Variants in LDB2 observed in about 807,000 individuals in gnomAD.
The protein encoded by LDB2 is LIM domain binding 2.
A neutral mutation model predicts 44.3 loss-of-function variants in LDB2; 12 were observed. The ratio of observed to expected loss-of-function variants is 0.27; its 90% CI spans 0.17 to 0.44. The LOEUF is 0.44. Among genes scored for constraint, LDB2 ranks in the 20% least tolerant of loss-of-function variants. The pLI is 1.00. For missense variants in LDB2, 344 were observed against 473.5 expected, an observed-to-expected ratio of 0.73 and a Z score of 2.54; for synonymous variants, 164 against 174.8, an observed-to-expected ratio of 0.94 and a Z score of 0.49.
At chr4:16,560,804 T>C (rs1195276395) in intron 5 of LDB2, among the ~76,000 whole-genome samples, 2 of 152,186 alleles carry the variant, frequency 1.3e-5, no homozygotes, top group African/African-American at 2.4e-5. Context: ...CGAACATTAA[T>C]GCAAAAAGCC....
intron 1 of LDB2, among the ~76,000 whole-genome samples, chr4:16,858,841 G>T (rs569539179): frequency 6.6e-6 from 1 of 152,022 alleles, no homozygotes; most frequent in East Asian, 1.9e-4. Flanking sequence ...AATTCTTTCC[G>T]TATCGTTGCC....
chr4:16,590,015 G>A (rs1170902697), intron 3 of LDB2, among the ~76,000 whole-genome samples: 1 of 152,142 alleles, frequency 6.6e-6, no homozygotes, highest in African/African-American at 2.4e-5. Flanking sequence ...CATGTAGTAG[G>A]ATAGCAGTAA....
intron 5 of LDB2, among the ~76,000 whole-genome samples, chr4:16,582,000 GGGAAGGAAGGAAGGAAGGAAGGAA>G (rs35585551): frequency 1.9e-5 from 2 of 103,818 alleles, no homozygotes; most frequent in Admixed American, 1.0e-4. Context: ...AGGGAAGGAA[GGGAAGGAAGGAAGGAAGGAAGGAA>G]GGAAGGAAGG....
chr4:16,583,111 G>A (rs74670102), intron 5 of LDB2, among the ~76,000 whole-genome samples: 6 of 152,066 alleles, frequency 3.9e-5, no homozygotes, highest in Non-Finnish European at 8.8e-5. Flanking sequence ...AGCTGCCTTC[G>A]GTCAGCTCTG....
intron 2 of LDB2, among the ~76,000 whole-genome samples, chr4:16,661,061 A>T (rs535735704): frequency 1.3e-5 from 2 of 152,162 alleles, no homozygotes; most frequent in African/African-American, 4.8e-5. Flanking sequence ...TGTTCTTTCC[A>T]ATCGTTTTTC....
At chr4:16,586,513 C>CAAA (rs1362698789) in intron 4 of LDB2, among the ~76,000 whole-genome samples, 2 of 143,082 alleles carry the variant, frequency 1.4e-5, no homozygotes, top group Admixed American at 6.8e-5. Flanking sequence ...CACACACACA[C>CAAA]ACACACACAC....
chr4:16,816,154 G>T (rs1042758396), intron 1 of LDB2, among the ~76,000 whole-genome samples: 1 of 152,100 alleles, frequency 6.6e-6, no homozygotes, highest in Non-Finnish European at 1.5e-5. Flanking sequence ...GTTGCAGTGA[G>T]CGATCACGCC....
At chr4:16,530,207 T>C (rs1729669516) in intron 5 of LDB2, among the ~76,000 whole-genome samples, 2 of 152,242 alleles carry the variant, frequency 1.3e-5, no homozygotes, top group South Asian at 4.1e-4. Context: ...TAAGAGGGTC[T>C]GCCTGACCTC....
At chr4:16,744,128 TAATA>T (rs1763890356) in intron 2 of LDB2, among the ~76,000 whole-genome samples, 4 of 151,948 alleles carry the variant, frequency 2.6e-5, no homozygotes, top group Admixed American at 6.6e-5. Context: ...AGCAAGTTAC[TAATA>T]AATAGACTCA....
intron 5 of LDB2, among the ~76,000 whole-genome samples, chr4:16,575,860 C>T (rs928862615): frequency 2.6e-5 from 4 of 152,196 alleles, no homozygotes; most frequent in Non-Finnish European, 5.9e-5. Context: ...CCTCAGTCTC[C>T]CAAGTAGCTG....
At chr4:16,602,605 T>G (rs1722875170) in intron 2 of LDB2, among the ~76,000 whole-genome samples, 1 of 152,178 alleles carries the variant, frequency 6.6e-6, no homozygotes, top group Non-Finnish European at 1.5e-5. Context: ...TAATTTACTC[T>G]GTTTTTCCTA....
intron 5 of LDB2, among the ~76,000 whole-genome samples, chr4:16,559,910 A>T (rs567134920): frequency 1.3e-5 from 2 of 151,852 alleles, no homozygotes; most frequent in East Asian, 1.9e-4. Flanking sequence ...GGATTAAGAA[A>T]CTCACTCAAA....
chr4:16,841,353 C>G (rs1281744454), intron 1 of LDB2, among the ~76,000 whole-genome samples: 5 of 152,180 alleles, frequency 3.3e-5, no homozygotes, highest in Non-Finnish European at 7.3e-5. Flanking sequence ...TCTTGCATAT[C>G]TGAAACAGAT....
rs192659222 is a variant in LDB2 at position 16,648,964 on chromosome 4, A to G, written c.236-53089T>C. ...AATGGAAGCTGAAGCCAATAATTTG[A>G]TTTTTTTTTAAAAGTCAGAAATTAT... On this transcript the variant is annotated intron_variant, in intron 2 of 7. Transcript: ENST00000304523. Among the ~76,000 whole-genome samples, 681 of 151,898 alleles carry G rather than the reference A, an allele frequency of 4.5e-3. 18 individuals are homozygous for G. The highest frequency in any genetic ancestry group is 1.7e-3 in the East Asian group (9 of 5,170).
chr4:16,600,469 T>C (rs565866739), intron 2 of LDB2, among the ~76,000 whole-genome samples: 37 of 152,120 alleles, frequency 2.4e-4, no homozygotes, highest in Non-Finnish European at 4.7e-4. Context: ...TTTTCTGTGA[T>C]GTTAGGTGAG....
intron 1 of LDB2, among the ~76,000 whole-genome samples, chr4:16,787,677 C>T (rs1302733864): frequency 1.3e-5 from 2 of 152,104 alleles, no homozygotes; most frequent in African/African-American, 4.8e-5. Flanking sequence ...GTTACAACAG[C>T]ATATTAGGGG....
chr4:16,610,875 A>T (rs1056047229), intron 2 of LDB2, among the ~76,000 whole-genome samples: 5 of 152,162 alleles, frequency 3.3e-5, no homozygotes, highest in Admixed American at 6.5e-5. Flanking sequence ...CGCCATTAAG[A>T]TACTCCACAA....
chr4:16,586,554 T>C (rs879581206), intron 4 of LDB2, among the ~76,000 whole-genome samples: 7,481 of 136,490 alleles, frequency 0.055, 270 homozygotes, highest in Non-Finnish European at 0.081. Flanking sequence ...CACACACATA[T>C]ATATGGAGAG....
At chr4:16,734,274 G>T (rs2108946731) in intron 2 of LDB2, among the ~76,000 whole-genome samples, 1 of 152,268 alleles carries the variant, frequency 6.6e-6, no homozygotes, top group East Asian at 1.9e-4. Flanking sequence ...CCCACTCACT[G>T]GGGTAATGCA....
Sources: allele counts gnomAD v4.1 joint callset (sites outside exome capture counted in the v4.1 genomes callset), GRCh38; gene constraint gnomAD v4.1.1; transcripts MANE v1.5; gene names NCBI Gene and HGNC (gene_info 2026-07-23, HGNC 2026-07-21).